The following ERGIC2 variants were observed in gnomAD, a reference collection of about 807,000 sequenced individuals.
ERGIC2 encodes the protein endoplasmic reticulum-Golgi intermediate compartment protein 2.
A neutral mutation model predicts 52.5 loss-of-function variants in ERGIC2; 31 were observed. The ratio of observed to expected loss-of-function variants is 0.59; its 90% confidence interval spans 0.44 to 0.80. The LOEUF (loss-of-function observed/expected upper bound fraction) is 0.80, where lower values mean the gene tolerates loss of function less well. Ranked by LOEUF, ERGIC2 falls within the 30% of genes least tolerant of loss-of-function variation. The probability of loss-of-function intolerance (pLI) is 0.00; values close to 1 mark genes in which losing one functional copy is unlikely to be tolerated. For synonymous variants in ERGIC2, 129 were observed against 140.6 expected (o/e 0.92, Z 0.58); for missense variants, 395 against 455.2 (o/e 0.87, Z 1.20).
rs569183599 is a variant in ERGIC2 at position 29,376,014 on chromosome 12, T to C, written c.-37-4344A>G. ...TCTCTTTATAAAACCTGACTTTCTATTGGCAGCAGTTCCATTCCAATCCTT... is the reference window on the plus strand; with the variant it reads ...TCTCTTTATAAAACCTGACTTTCTACTGGCAGCAGTTCCATTCCAATCCTT... On this transcript the variant is annotated intron_variant, in intron 1 of 13. Coordinates refer to ENST00000360150, the MANE Select transcript of ERGIC2 (RefSeq NM_016570.3). 1.0e-3 allele frequency among the ~76,000 whole-genome samples: 156 copies of C among 152,346 alleles called. 1 individual carries two copies. The highest frequency in any genetic ancestry group is 1.9e-3 in the Non-Finnish European group (131 of 68,030).
At chr12:29,369,049 A>G (rs1318583098) in intron 3 of ERGIC2, among the ~76,000 whole-genome samples, 2 of 151,918 alleles carry the variant, frequency 1.3e-5, no homozygotes, top group African/African-American at 4.8e-5. Context: ...TTTCTGTGTA[A>G]TAATTTTCAT....
chr12:29,359,124 G>A (rs377426582), intron 6 of ERGIC2, among the ~76,000 whole-genome samples: 1 of 150,886 alleles, frequency 6.6e-6, no homozygotes, highest in African/African-American at 2.4e-5. Context: ...ATCTACCTTG[G>A]GTATCTCTAG....
At chr12:29,374,712 A>G (rs1940491176) in intron 1 of ERGIC2, among the ~76,000 whole-genome samples, 1 of 152,146 alleles carries the variant, frequency 6.6e-6, no homozygotes, top group Non-Finnish European at 1.5e-5. Flanking sequence ...CTATTTCTAA[A>G]TTTCTCTTAA....
intron 1 of ERGIC2, among the ~76,000 whole-genome samples, chr12:29,376,005 G>C (rs183460131): frequency 4.7e-4 from 71 of 152,238 alleles, no homozygotes; most frequent in Non-Finnish European, 8.4e-4. Context: ...TATAAAACCT[G>C]ACTTTCTATT....
chr12:29,349,906 G>A lies in ERGIC2; in HGVS notation c.628+107C>T. 3 of 647,786 alleles carry A rather than the reference G, an allele frequency of 4.6e-6. No homozygotes were observed. In the South Asian group the frequency reaches 6.0e-5, roughly 13 times the overall value. The allele number at this position is 647,786 out of a possible 1,614,324, so 40.1% of individuals were successfully genotyped here. ...TAAAAATTTATTTTTTCCTTTGGAT[G>A]AATATGTTTTCAAAACAGCTCACTT... is the stretch of plus-strand genomic sequence containing the variant. On this transcript the variant is annotated intron_variant, in intron 9 of 13. Coordinates refer to ENST00000360150, the MANE Select transcript of ERGIC2 (RefSeq NM_016570.3).
intron 1 of ERGIC2, among the ~76,000 whole-genome samples, chr12:29,375,324 A>C (rs1026525710): frequency 6.6e-6 from 1 of 152,160 alleles, no homozygotes; most frequent in African/African-American, 2.4e-5. Context: ...GTCTAACTTG[A>C]TCTTTGTATC....
At chr12:29,359,456 A>T (rs1179833600) in intron 6 of ERGIC2, among the ~76,000 whole-genome samples, 1 of 152,088 alleles carries the variant, frequency 6.6e-6, no homozygotes, top group Non-Finnish European at 1.5e-5. Context: ...CCCAGCCTAT[A>T]TTCCACACAT....
At chr12:29,378,751 A>T (rs1406774564) in intron 1 of ERGIC2, among the ~76,000 whole-genome samples, 2 of 152,182 alleles carry the variant, frequency 1.3e-5, no homozygotes, top group African/African-American at 4.8e-5. Context: ...CAAGGAAGAC[A>T]ATATAAATGT....
rs745475748 is a variant in ERGIC2 at position 29,349,170 on chromosome 12, AT to A, written c.635del (p.Asn212IlefsTer6). 3 of 1,542,476 alleles carry A rather than the reference AT, an allele frequency of 1.9e-6. No individual in the cohort carries two copies. The highest frequency in any genetic ancestry group is 2.6e-6 in the Non-Finnish European group (3 of 1,143,004). ...LAALVNHESY[N>X]FSHRIDHLSF... ...ACAAATGATCTATTCTATGAGAAAA[AT>A]TGTAAGCTAAAAGGCAAAAAATAAA... On this transcript the variant is annotated frameshift_variant, in exon 10 of 14. Coordinates refer to ENST00000360150, the MANE Select transcript of ERGIC2 (RefSeq NM_016570.3). LOFTEE classifies it high-confidence loss of function.
At chr12:29,372,106 G>A (rs1426921559) in intron 1 of ERGIC2, among the ~76,000 whole-genome samples, 3 of 152,094 alleles carry the variant, frequency 2.0e-5, no homozygotes, top group South Asian at 2.1e-4. Flanking sequence ...TTGGGAGGCC[G>A]AGGCGGGTGG....
Position 29,343,162 on chromosome 12 carries a change from C to T in ERGIC2, c.946G>A (p.Val316Ile), listed in dbSNP as rs1565535010. The T allele has an allele frequency of 1.2e-6, 2 of 1,610,814 alleles. No homozygotes were observed. Among genetic ancestry groups the T allele is most frequent in the African/African-American group, 2.7e-5 (2 of 74,826 alleles). Reference sequence around the variant, plus strand: ...CCTCCAACAATACCACAGAGTCTTACAAAAAACTGCCAGAATGGCATGTGC... The same window carrying T: ...CCTCCAACAATACCACAGAGTCTTATAAAAAACTGCCAGAATGGCATGTGC... Reference protein sequence around the residue: ...EEHMPFWQFFVRLCGIVGGIF... With the variant: ...EEHMPFWQFFIRLCGIVGGIF... Residue 316 changes from valine (V) to isoleucine (I), a missense_variant, in exon 12 of 14, where the codon GTA (valine) becomes ATA (isoleucine). Physicochemically the swap from Val to Ile is conservative, Grantham distance 29 (BLOSUM62 3). Transcript: ENST00000360150.
Position 29,357,737 on chromosome 12 carries a change from CA to C in ERGIC2, c.375-14del. The C allele has an allele frequency of 6.8e-7, 1 of 1,481,160 alleles. No individual in the cohort carries two copies. Among genetic ancestry groups the C allele is most frequent in the Non-Finnish European group, 9.4e-7 (1 of 1,060,304 alleles). 91.8% of individuals were successfully genotyped at this position (1,481,160 alleles called of 1,614,324 possible). On this transcript the variant is annotated splice_polypyrimidine_tract_variant and intron_variant, in intron 6 of 13. Transcript: ENST00000360150. Reference sequence around the variant, plus strand: ...CAGCTGCAGCATCCTAAATAAGAAGCAATAATTTAGAACTACAGAAAGGTAC... The same window carrying C: ...CAGCTGCAGCATCCTAAATAAGAAGCATAATTTAGAACTACAGAAAGGTAC...
chr12:29,352,216 A>C (rs1390125834), intron 8 of ERGIC2, among the ~76,000 whole-genome samples: 1 of 152,242 alleles, frequency 6.6e-6, no homozygotes, highest in Non-Finnish European at 1.5e-5. Flanking sequence ...TAATTACTCA[A>C]CTGTGGTACT....
intron 6 of ERGIC2, among the ~76,000 whole-genome samples, chr12:29,360,420 A>G (rs530279685): frequency 6.6e-6 from 1 of 150,402 alleles, no homozygotes; most frequent in South Asian, 2.1e-4. Flanking sequence ...TGTTAGGTGG[A>G]AAAAAGCAAC....
intron 10 of ERGIC2, among the ~76,000 whole-genome samples, chr12:29,347,573 A>G (rs1431477655): frequency 6.6e-6 from 1 of 152,170 alleles, no homozygotes; most frequent in African/African-American, 2.4e-5. Context: ...AATTCCCTAT[A>G]GGAACGTGCG....
intron 5 of ERGIC2, among the ~76,000 whole-genome samples, chr12:29,363,431 T>C (rs201136187): frequency 6.6e-6 from 1 of 151,826 alleles, no homozygotes; most frequent in African/African-American, 2.4e-5. Flanking sequence ...TTAAACACTT[T>C]TATATAAATT....
At chr12:29,342,287 T>C (rs1194384323) in intron 12 of ERGIC2, among the ~76,000 whole-genome samples, 1 of 152,242 alleles carries the variant, frequency 6.6e-6, no homozygotes, top group Non-Finnish European at 1.5e-5. Flanking sequence ...GTGTTGGGAT[T>C]ATAGGCATGA....
intron 8 of ERGIC2, among the ~76,000 whole-genome samples, chr12:29,350,544 T>C (rs944786478): frequency 7.9e-5 from 12 of 152,082 alleles, no homozygotes; most frequent in African/African-American, 2.9e-4. Context: ...TCTTTGAAAA[T>C]ATTAATCCAC....
intron 6 of ERGIC2, among the ~76,000 whole-genome samples, chr12:29,359,840 C>A (rs1057181094): frequency 2.6e-5 from 4 of 151,662 alleles, no homozygotes; most frequent in Non-Finnish European, 5.9e-5. Context: ...AAGACATAAC[C>A]TAGAAAATAA....
Sources: allele counts gnomAD v4.1 joint callset (sites outside exome capture counted in the v4.1 genomes callset), GRCh38; gene constraint gnomAD v4.1.1; transcripts MANE v1.5; gene names NCBI Gene and HGNC (gene_info 2026-07-23, HGNC 2026-07-21).